GPN1: variants seen among roughly 807,000 people sequenced by gnomAD.
GPN1 encodes GPN-loop GTPase 1.
GPN1 carries 44 observed loss-of-function variants against 55.9 expected under a neutral mutation model. That is an observed-to-expected ratio of 0.79 (90% CI 0.62 to 1.01). The LOEUF (loss-of-function observed/expected upper bound fraction) is 1.01, where lower values mean the gene tolerates loss of function less well. Among genes scored for constraint, GPN1 ranks in the 50% least tolerant of loss-of-function variants. The pLI is 0.00. For missense variants in GPN1, 466 were observed against 462.8 expected (o/e 1.01, Z -0.06); for synonymous variants, 179 against 162.5 (o/e 1.10, Z -0.77).
intron 4 of GPN1, 35 bp from the exon 5 acceptor site, chr2:27,632,597 TC>T: frequency 6.6e-7 from 1 of 1,507,596 alleles, no homozygotes; most frequent in Non-Finnish European, 9.2e-7. Context: ...TGTGTTGAAA[TC>T]GGAATTTGTT....
At chr2:27,648,623 C>T (rs1040046616) in intron 13 of GPN1, among the ~76,000 whole-genome samples, 18 of 152,226 alleles carry the variant, frequency 1.2e-4, no homozygotes, top group Admixed American at 4.6e-4. Flanking sequence ...ATGGACTGTG[C>T]GCAGAATCTA....
At chr2:27,636,631 A>G (rs1183806145) in intron 7 of GPN1, among the ~76,000 whole-genome samples, 1 of 152,016 alleles carries the variant, frequency 6.6e-6, no homozygotes, top group Non-Finnish European at 1.5e-5. Context: ...AGTAGTCACC[A>G]CACTTGGCTA....
rs1674533591 is a variant in GPN1, at chr2:27,651,274, C to G, written c.*1074C>G. ...CAGCATCATCTGGGGAATTGTTCAA[C>G]TTACCTCTTATAACCTATGAACTCA... On this transcript the variant is annotated 3_prime_UTR_variant, in exon 14 of 14. Transcript: ENST00000610189. The G allele has an allele frequency of 6.6e-6, 1 of 152,222 alleles. No homozygotes were observed. Among genetic ancestry groups the G allele is most frequent in the Non-Finnish European group, 1.5e-5 (1 of 68,044 alleles). The allele number at this position is 152,222 out of a possible 1,614,324, so 9.4% of individuals were successfully genotyped here. A position where few individuals can be genotyped will look rare whatever the true frequency, so the allele number is the denominator to read the frequency against.
chr2:27,629,452 A>T, intron 1 of GPN1: 2 of 1,506,398 alleles, frequency 1.3e-6, no homozygotes. Flanking sequence ...GGCAAGTTAC[A>T]AGTAACTTTA....
intron 10 of GPN1, among the ~76,000 whole-genome samples, chr2:27,640,762 A>G (rs1673912011): frequency 6.6e-6 from 1 of 152,216 alleles, no homozygotes; most frequent in African/African-American, 2.4e-5. Context: ...ATATTTTGCA[A>G]GATCCTAACA....
intron 3 of GPN1, 153 bp from the exon 4 acceptor site, chr2:27,631,681 G>A (rs748212290): frequency 9.8e-5 from 63 of 643,878 alleles, no homozygotes; most frequent in Non-Finnish European, 1.5e-4. Flanking sequence ...CTGTTTCCCT[G>A]TGTGGTTAAG....
intron 2 of GPN1, among the ~76,000 whole-genome samples, chr2:27,630,386 GTTT>G (rs202052577): frequency 1.8e-3 from 150 of 82,492 alleles, no homozygotes; most frequent in East Asian, 0.014. Context: ...AACAGCTTAG[GTTT>G]TTTTTTTTTT....
chr2:27,639,446 A>G (rs113896765), intron 9 of GPN1, among the ~76,000 whole-genome samples: 98 of 152,318 alleles, frequency 6.4e-4, no homozygotes, highest in African/African-American at 2.3e-3. Context: ...CAAAGCAGAA[A>G]GTGATTTGGT....
chr2:27,633,325 A>T (rs146355848), intron 5 of GPN1, among the ~76,000 whole-genome samples: 3 of 152,244 alleles, frequency 2.0e-5, no homozygotes, highest in African/African-American at 4.8e-5. Flanking sequence ...TTTTGTTTTG[A>T]GACAGGGTCT....
intron 12 of GPN1, 134 bp from the exon 13 acceptor site, chr2:27,647,701 AT>A: frequency 1.6e-6 from 1 of 612,282 alleles, no homozygotes; most frequent in South Asian, 1.9e-5. Context: ...TTAACAATAC[AT>A]TTAGAAGAGG....
At chr2:27,641,456 A>G (rs1673946820) in intron 11 of GPN1, among the ~76,000 whole-genome samples, 177 bp downstream of exon 11, 2 of 152,150 alleles carry the variant, frequency 1.3e-5, no homozygotes, top group Admixed American at 1.3e-4. Context: ...GTATCTTCTA[A>G]ATACTTGTTA....
At chr2:27,649,991 T>C in intron 13 of GPN1, 124 bp from the exon 14 acceptor site, 1 of 600,386 alleles carries the variant, frequency 1.7e-6, no homozygotes, top group East Asian at 2.8e-5. Flanking sequence ...CATTTCCTTT[T>C]TGAGGGAAGT....
rs748979771 is a variant in GPN1, at chr2:27,638,987, C to G, written c.673C>G (p.Arg225Gly). The G allele has an allele frequency of 2.5e-6, 4 of 1,613,352 alleles. No individual in the cohort carries two copies. The South Asian group carries it at 4.4e-5, about 18-fold the overall frequency. Residue 225 changes from arginine to glycine, a missense_variant, in exon 9 of 14, where the codon CGT (arginine) becomes GGT (glycine). By Grantham distance (125) the Arg-to-Gly change is moderately radical. Transcript: ENST00000610189. ...GACTACATACGTCAGTAACCTGACT[C>G]GTTCAATGAGCCTGGTGTTAGATGA... ...QETTYVSNLT[R>G]SMSLVLDEFY...
intron 13 of GPN1, among the ~76,000 whole-genome samples, chr2:27,649,882 A>G (rs1674442214): frequency 6.6e-6 from 1 of 152,204 alleles, no homozygotes; most frequent in Non-Finnish European, 1.5e-5. Context: ...AAAAATACCT[A>G]CAAGTGGGAC....
chr2:27,631,050 AAAG>A lies in GPN1; in HGVS notation c.233_235del (p.Glu78del), dbSNP rs763315204. On this transcript the variant is annotated inframe_deletion, in exon 3 of 14. Transcript: ENST00000610189. Reference sequence around the variant, plus strand: ...AGATATTCGTGATACTGTAAAGTATAAAGAAGTAATGAAACAGTATCCTTTTCC... The same window carrying A: ...AGATATTCGTGATACTGTAAAGTATAAAGTAATGAAACAGTATCCTTTTCC... 2.2e-6 allele frequency: 3 copies of A among 1,379,892 alleles called. No homozygotes were observed. The East Asian group carries it at 6.9e-5, about 32-fold the overall frequency. The allele number at this position is 1,379,892 out of a possible 1,614,324, so 85.5% of individuals were successfully genotyped here.
At chr2:27,632,731 G>A in intron 5 of GPN1, 61 bp downstream of exon 5, 2 of 1,047,436 alleles carry the variant, frequency 1.9e-6, no homozygotes. Context: ...TAGGCTTCAT[G>A]GAGGATCTGG....
chr2:27,628,535 G>C (rs767361204), upstream of GPN1: 2 of 1,551,564 alleles, frequency 1.3e-6, no homozygotes, highest in South Asian at 2.4e-5. Context: ...AGCTCCCGTA[G>C]TTTATTCGTT....
At chr2:27,644,015 C>T (rs1048753794) in intron 12 of GPN1, among the ~76,000 whole-genome samples, 2 of 152,126 alleles carry the variant, frequency 1.3e-5, no homozygotes, top group African/African-American at 4.8e-5. Context: ...CCCATCTCTC[C>T]TAAAAATACA....
intron 7 of GPN1, among the ~76,000 whole-genome samples, chr2:27,636,484 T>A (rs6719175): frequency 0.28 from 42,877 of 151,238 alleles, 6,176 homozygotes; most frequent in Middle Eastern, 0.35. Context: ...ATATTAATTA[T>A]TTATTTATTT....
Sources: allele counts gnomAD v4.1 joint callset (sites outside exome capture counted in the v4.1 genomes callset), GRCh38; gene constraint gnomAD v4.1.1; transcripts MANE v1.5; gene names NCBI Gene and HGNC (gene_info 2026-07-23, HGNC 2026-07-21).